Variants in IL34 observed in about 807,000 individuals in gnomAD.
IL34 encodes the protein interleukin 34.
A neutral mutation model predicts 25.3 loss-of-function variants in IL34; 17 were observed. That is an observed-to-expected ratio of 0.67 (90% confidence interval 0.46 to 1.01). IL34 has a LOEUF of 1.01. IL34 is among the 50% of genes least tolerant of loss of function. The probability of loss-of-function intolerance (pLI) is 0.00; values close to 1 mark genes in which losing one functional copy is unlikely to be tolerated. For missense variants in IL34, 368 were observed against 312.9 expected (o/e 1.18, Z -1.33); for synonymous variants, 174 against 140.9 (o/e 1.23, Z -1.66).
intron 1 of IL34, among the ~76,000 whole-genome samples, chr16:70,614,775 G>A (rs975622960): frequency 6.6e-6 from 1 of 152,226 alleles, no homozygotes; most frequent in South Asian, 2.1e-4. Flanking sequence ...GCTGTTACAG[G>A]TGATAAAACT....
At chr16:70,613,947 G>A (rs778980260) in intron 1 of IL34, among the ~76,000 whole-genome samples, 1 of 151,986 alleles carries the variant, frequency 6.6e-6, no homozygotes, top group Non-Finnish European at 1.5e-5. Context: ...CAGTGCTCTG[G>A]GAGGCTGAGG....
chr16:70,599,361 C>CTT (rs2050880633), intron 1 of IL34, among the ~76,000 whole-genome samples: 1 of 98,698 alleles, frequency 1.0e-5, no homozygotes, highest in Non-Finnish European at 2.2e-5. Context: ...TTCTCTCTTT[C>CTT]TCTTTCTTTC....
At chr16:70,616,168 G>A (rs577142395) in intron 1 of IL34, among the ~76,000 whole-genome samples, 5 of 152,232 alleles carry the variant, frequency 3.3e-5, no homozygotes, top group Admixed American at 2.0e-4. Flanking sequence ...TCTCATACAC[G>A]TGGCCTGTTG....
chr16:70,636,527 A>G (rs977810941), intron 1 of IL34, among the ~76,000 whole-genome samples: 2 of 151,556 alleles, frequency 1.3e-5, no homozygotes, highest in East Asian at 3.9e-4. Context: ...CAATCCCAGC[A>G]CTTGGGGAGG....
At chr16:70,595,810 G>A (rs1255207373) in intron 1 of IL34, among the ~76,000 whole-genome samples, 5 of 151,866 alleles carry the variant, frequency 3.3e-5, no homozygotes, top group African/African-American at 9.7e-5. Context: ...TCAAGAGTTC[G>A]AGACCAGCTG....
At chr16:70,585,137 C>T (rs1323510753) in intron 1 of IL34, among the ~76,000 whole-genome samples, 2 of 152,230 alleles carry the variant, frequency 1.3e-5, no homozygotes, top group African/African-American at 4.8e-5. Context: ...CCTCTGGGCA[C>T]CACCTTTCAG....
intron 1 of IL34, among the ~76,000 whole-genome samples, chr16:70,612,764 C>G (rs1356176740): frequency 1.3e-5 from 2 of 152,136 alleles, no homozygotes; most frequent in African/African-American, 4.8e-5. Context: ...ACCCCCATTT[C>G]TGCTTCTCCC....
chr16:70,660,019 C>T lies in IL34; in HGVS notation c.561C>T (p.Asn187=). The T allele has an allele frequency of 1.9e-6, 3 of 1,598,818 alleles. No individual in the cohort carries two copies. Among genetic ancestry groups the T allele is most frequent in the Non-Finnish European group, 2.6e-6 (3 of 1,175,198 alleles). The change falls in exon 6 of 6, where the codon AAC becomes AAT. Residue 187 remains asparagine (N), a synonymous_variant. Transcript: ENST00000288098. ...CAGGTAAACAAAGCTCCGTCCTAAA[C>T]TGGCAGGACTGTGAGGTGCCAAGTC... The part of the protein sequence containing the change: ...CSCCKQSSVL[N]WQDCEVPSPQ...
At chr16:70,650,355 G>T (rs150327553) in intron 1 of IL34, among the ~76,000 whole-genome samples, 2 of 152,232 alleles carry the variant, frequency 1.3e-5, no homozygotes, top group African/African-American at 4.8e-5. Flanking sequence ...TGCCCAGTTG[G>T]GGGAGAGGCA....
intron 1 of IL34, among the ~76,000 whole-genome samples, chr16:70,582,386 G>T (rs2050645413): frequency 6.6e-6 from 1 of 152,222 alleles, no homozygotes; most frequent in African/African-American, 2.4e-5. Context: ...CACCTGCCCA[G>T]CCCCAGCCCG....
rs989942156 is a variant in IL34 at position 70,654,731 on chromosome 16, G to T, written c.162+60G>T. ...CGCGTCCCGGGGTTCACCTGGCATA[G>T]GCCTCTGGACATTCAGAGCCCTTCT... On this transcript the variant is annotated intron_variant, in intron 2 of 5. Coordinates refer to ENST00000288098, the MANE Select transcript of IL34 (RefSeq NM_001393494.1). The T allele has an allele frequency of 1.4e-5, 22 of 1,544,804 alleles. No homozygotes were observed. The Admixed American group carries it at 4.0e-4, about 28-fold the overall frequency.
chr16:70,613,508 A>C (rs1303474467), intron 1 of IL34, among the ~76,000 whole-genome samples: 1 of 152,144 alleles, frequency 6.6e-6, no homozygotes, highest in Non-Finnish European at 1.5e-5. Context: ...GGAGTTGGCT[A>C]TTCCGGAACC....
chr16:70,620,546 AG>A lies in IL34; in HGVS notation c.-400-26001del, dbSNP rs1020185902. ...GGTCAGATGGGTCTGTAGAAAAGGA[AG>A]ATTAGAAAGACTCAGCGACACTTGG... On this transcript the variant is annotated intron_variant, in intron 1 of 6. Coordinates refer to the IL34 transcript ENST00000429149. Among the ~76,000 whole-genome samples the A allele has an allele frequency of 2.0e-5, 3 of 152,034 alleles. No homozygotes were observed. The East Asian group carries it at 5.8e-4, about 29-fold the overall frequency.
chr16:70,627,802 T>C (rs2051429732), intron 1 of IL34, among the ~76,000 whole-genome samples: 1 of 152,170 alleles, frequency 6.6e-6, no homozygotes, highest in African/African-American at 2.4e-5. Flanking sequence ...TTTGCTGTGT[T>C]TTTTTAAAAA....
At chr16:70,580,264 CT>C (rs1291123808) in intron 1 of IL34, among the ~76,000 whole-genome samples, 2 of 152,206 alleles carry the variant, frequency 1.3e-5, no homozygotes, top group Non-Finnish European at 2.9e-5. Flanking sequence ...AATTTTTAAC[CT>C]TTGCCTTCAT....
chr16:70,628,509 C>T (rs1334018990), intron 1 of IL34, among the ~76,000 whole-genome samples: 1 of 147,632 alleles, frequency 6.8e-6, no homozygotes. Flanking sequence ...TTTTTTGAGA[C>T]AGAGTCTTGC....
intron 1 of IL34, among the ~76,000 whole-genome samples, chr16:70,633,376 C>T (rs4985551): frequency 0.28 from 43,101 of 151,634 alleles, 6,429 homozygotes; most frequent in South Asian, 0.45. Flanking sequence ...GCCTCAGCCT[C>T]CTGAGTAGCT....
intron 1 of IL34, among the ~76,000 whole-genome samples, chr16:70,597,845 CT>C (rs1376487442): frequency 6.6e-6 from 1 of 151,100 alleles, no homozygotes; most frequent in Non-Finnish European, 1.5e-5. Context: ...AGATGCAGTT[CT>C]TTTTTTTTGA....
intron 1 of IL34, among the ~76,000 whole-genome samples, chr16:70,638,834 A>C (rs1018858245): frequency 6.6e-6 from 1 of 152,164 alleles, no homozygotes; most frequent in African/African-American, 2.4e-5. Context: ...CTCTTGCCTC[A>C]GCCTCCGAAA....
Sources: allele counts gnomAD v4.1 joint callset (sites outside exome capture counted in the v4.1 genomes callset), GRCh38; gene constraint gnomAD v4.1.1; transcripts MANE v1.5; gene names NCBI Gene and HGNC (gene_info 2026-07-23, HGNC 2026-07-21).